The following ALK variants were observed in gnomAD, a reference collection of about 807,000 sequenced individuals.
ALK encodes ALK tyrosine kinase receptor.
In ALK, 74 loss-of-function variants were observed where a neutral mutation model predicts 163.1. The observed-to-expected ratio is 0.45, with a 90% CI of 0.38 to 0.55. The LOEUF is 0.55. Ranked by LOEUF, ALK falls within the 20% of genes least tolerant of loss-of-function variation. ALK has a pLI of 0.00. For synonymous variants in ALK, 960 were observed against 843.2 expected (o/e 1.14, Z -2.40); for missense variants, 2,063 against 2,105.3 (o/e 0.98, Z 0.39).
At chr2:29,902,111 T>C (rs1202688326) in intron 1 of ALK, among the ~76,000 whole-genome samples, 6 of 152,202 alleles carry the variant, frequency 3.9e-5, no homozygotes, top group African/African-American at 1.2e-4. Context: ...TGCCCAGCCC[T>C]GACTTCTTAC....
intron 4 of ALK, among the ~76,000 whole-genome samples, chr2:29,516,500 G>A (rs1672670077): frequency 6.6e-6 from 1 of 152,126 alleles, no homozygotes; most frequent in African/African-American, 2.4e-5. Flanking sequence ...CTTCTCACGG[G>A]TACTTTTCCC....
chr2:29,851,424 G>A (rs912702007), intron 1 of ALK, among the ~76,000 whole-genome samples: 1 of 152,082 alleles, frequency 6.6e-6, no homozygotes, highest in Non-Finnish European at 1.5e-5. Flanking sequence ...CCTTCCTCTG[G>A]GATGGTGTTC....
chr2:29,404,154 A>G (rs148835535), intron 4 of ALK, among the ~76,000 whole-genome samples: 12,112 of 152,052 alleles, frequency 0.08, 672 homozygotes, highest in Middle Eastern at 0.13. Context: ...AAATACAAAA[A>G]TTAGCCAGGC....
At chr2:29,752,273 GTAGGC>G (rs1374835595) in intron 1 of ALK, among the ~76,000 whole-genome samples, 5 of 151,862 alleles carry the variant, frequency 3.3e-5, no homozygotes, top group African/African-American at 9.7e-5. Context: ...CACGTTTAAG[GTAGGC>G]TAGGCTAGGC....
intron 4 of ALK, among the ~76,000 whole-genome samples, chr2:29,396,845 T>TTTTG (rs1558306564): frequency 1.5e-5 from 2 of 133,646 alleles, no homozygotes; most frequent in Admixed American, 7.6e-5. Flanking sequence ...GGTTTTTTTT[T>TTTTG]TTTTTTTTTT....
In ALK at chr2:29,668,258, G is replaced by T. The variant is rs571985162; in HGVS notation, c.952+26592C>A. ...TTTGCTGATCTTCTGTATTTTTTTAGTCTCAGTTTCATTTATTTCTGCTCT... is the reference window on the plus strand; with the variant it reads ...TTTGCTGATCTTCTGTATTTTTTTATTCTCAGTTTCATTTATTTCTGCTCT... On this transcript the variant is annotated intron_variant, in intron 3 of 28. Coordinates refer to ENST00000389048, the MANE Select transcript of ALK (RefSeq NM_004304.5). Among the ~76,000 whole-genome samples, 22 of 151,098 alleles carry T rather than the reference G, an allele frequency of 1.5e-4. No homozygotes were observed. In the South Asian group the frequency reaches 3.8e-3, roughly 26 times the overall value.
chr2:29,834,905 A>G (rs1665517708), intron 1 of ALK, among the ~76,000 whole-genome samples: 1 of 152,246 alleles, frequency 6.6e-6, no homozygotes, highest in African/African-American at 2.4e-5. Context: ...ATGGCAGGCA[A>G]AATTCCATTT....
intron 1 of ALK, among the ~76,000 whole-genome samples, chr2:29,724,837 C>T (rs560627562): frequency 1.3e-5 from 2 of 152,286 alleles, no homozygotes; most frequent in African/African-American, 4.8e-5. Context: ...CCCACTCCAC[C>T]TCACCTTTCT....
At chr2:29,770,347 A>G (rs1023504295) in intron 1 of ALK, among the ~76,000 whole-genome samples, 4 of 152,228 alleles carry the variant, frequency 2.6e-5, no homozygotes, top group Admixed American at 2.0e-4. Flanking sequence ...ACTGACCACA[A>G]GATTCTCTAA....
chr2:29,530,868 A>T (rs1207676521), intron 4 of ALK, among the ~76,000 whole-genome samples: 2 of 152,228 alleles, frequency 1.3e-5, no homozygotes, highest in Non-Finnish European at 2.9e-5. Flanking sequence ...TGGGGAGAGC[A>T]TTCTTTTTGA....
intron 4 of ALK, among the ~76,000 whole-genome samples, chr2:29,486,018 G>A (rs567428232): frequency 5.9e-5 from 9 of 152,212 alleles, no homozygotes; most frequent in African/African-American, 1.9e-4. Flanking sequence ...ACTGCTTCCC[G>A]CCCCAGAGCT....
intron 1 of ALK, among the ~76,000 whole-genome samples, chr2:29,720,844 G>A (rs1317500729): frequency 6.6e-6 from 1 of 152,134 alleles, no homozygotes. Flanking sequence ...AGAAAGCCTT[G>A]TCTTTTCAGG....
chr2:29,437,091 T>C (rs138443410), intron 4 of ALK, among the ~76,000 whole-genome samples: 107 of 152,318 alleles, frequency 7.0e-4, no homozygotes, highest in East Asian at 4.8e-3. Flanking sequence ...TGGTGGCCTC[T>C]TAGAAGCGGA....
intron 4 of ALK, among the ~76,000 whole-genome samples, chr2:29,461,497 C>A (rs987853043): frequency 2.0e-5 from 3 of 152,124 alleles, no homozygotes; most frequent in Non-Finnish European, 4.4e-5. Flanking sequence ...TATTCATTTA[C>A]CATTCTGAAA....
intron 4 of ALK, among the ~76,000 whole-genome samples, chr2:29,458,764 A>G (rs968060430): frequency 2.0e-5 from 3 of 152,144 alleles, no homozygotes; most frequent in African/African-American, 7.2e-5. Context: ...AATTGTCAGT[A>G]AGAATAAAAG....
At chr2:29,270,951 C>A (rs549141210) in intron 11 of ALK, among the ~76,000 whole-genome samples, 22 of 152,304 alleles carry the variant, frequency 1.4e-4, no homozygotes, top group South Asian at 1.0e-3. Context: ...TCCTCCCTGT[C>A]CCCAGCATGG....
At chr2:29,722,486 A>G (rs1415831848) in intron 1 of ALK, among the ~76,000 whole-genome samples, 1 of 152,182 alleles carries the variant, frequency 6.6e-6, no homozygotes, top group Non-Finnish European at 1.5e-5. Flanking sequence ...GACTTTTCTT[A>G]CTTGGAAAAC....
intron 3 of ALK, among the ~76,000 whole-genome samples, chr2:29,666,621 A>T (rs1201782366): frequency 6.6e-6 from 1 of 152,132 alleles, no homozygotes; most frequent in Non-Finnish European, 1.5e-5. Context: ...ATTCTGAAAG[A>T]GGATGATGGG....
chr2:29,720,470 C>T (rs1210503021), intron 1 of ALK, among the ~76,000 whole-genome samples: 3 of 152,160 alleles, frequency 2.0e-5, no homozygotes, highest in Non-Finnish European at 2.9e-5. Flanking sequence ...TCCAATCTTA[C>T]CCCTGAGAGT....
Sources: gnomAD v4.1 joint callset for allele counts (sites outside exome capture counted in the v4.1 genomes callset) on GRCh38, gnomAD v4.1.1 for gene constraint, MANE v1.5 for transcripts, NCBI Gene and HGNC (gene_info 2026-07-23, HGNC 2026-07-21) for gene names.